GPM6A: variants seen among roughly 807,000 people sequenced by gnomAD.
GPM6A encodes glycoprotein M6A.
In GPM6A, 7 loss-of-function variants were observed where a neutral mutation model predicts 32.1. That is an observed-to-expected ratio of 0.22 (90% CI 0.12 to 0.41). The LOEUF is 0.41. Among genes scored for constraint, GPM6A ranks in the 10% least tolerant of loss-of-function variants. The pLI is 1.00. For synonymous variants in GPM6A, 130 were observed against 123.4 expected (o/e 1.05, Z -0.35); for missense variants, 235 against 347.2 (o/e 0.68, Z 2.57).
upstream of GPM6A, among the ~76,000 whole-genome samples, chr4:175,814,565 C>T (rs913271428): frequency 2.6e-5 from 4 of 152,164 alleles, no homozygotes; most frequent in Non-Finnish European, 4.4e-5. Flanking sequence ...TCTTTTTCTT[C>T]TGGAAATTTT....
intron 1 of GPM6A, among the ~76,000 whole-genome samples, chr4:175,717,057 A>G (rs1410981676): frequency 6.6e-6 from 1 of 152,016 alleles, no homozygotes; most frequent in Non-Finnish European, 1.5e-5. Flanking sequence ...TTAACTTACC[A>G]TTATACTTTC....
intron 1 of GPM6A, among the ~76,000 whole-genome samples, chr4:175,733,769 CTTGA>C: frequency 6.6e-6 from 1 of 152,248 alleles, no homozygotes; most frequent in Admixed American, 6.5e-5. Flanking sequence ...TGTTTTCAAG[CTTGA>C]TTGTGTGCCT....
intron 6 of GPM6A, among the ~76,000 whole-genome samples, chr4:175,636,370 T>C (rs1740612763): frequency 6.7e-6 from 1 of 149,026 alleles, no homozygotes; most frequent in Non-Finnish European, 1.5e-5. Context: ...CTGTAAAATA[T>C]CAAGTGCTGT....
In GPM6A at chr4:175,710,129, C is replaced by G. The variant is rs151054947; in HGVS notation, c.38-8362G>C. Among the ~76,000 whole-genome samples the G allele has an allele frequency of 2.5e-3, 379 of 152,156 alleles. 5 individuals carry two copies. The highest frequency in any genetic ancestry group is 8.8e-3 in the African/African-American group (365 of 41,522). On this transcript the variant is annotated intron_variant, in intron 1 of 6. Transcript: ENST00000393658. ...ATAAGTAAAGCTGAAGGTTTTCCAA[C>G]ATTATTATTCTTTTCAAATAAGCTT...
At chr4:175,830,901 G>GA (rs1404537007) in intron 1 of GPM6A, among the ~76,000 whole-genome samples, 11 of 149,716 alleles carry the variant, frequency 7.3e-5, no homozygotes, top group Admixed American at 5.3e-4. Context: ...CTGGGTTGGG[G>GA]AAAAAAAAAG....
chr4:175,683,900 C>T (rs991666295), intron 2 of GPM6A, among the ~76,000 whole-genome samples: 6 of 151,410 alleles, frequency 4.0e-5, no homozygotes, highest in Non-Finnish European at 8.8e-5. Flanking sequence ...GATGTGATCT[C>T]GGCTCACTGC....
At chr4:175,639,457 G>A (rs551721597) in intron 6 of GPM6A, among the ~76,000 whole-genome samples, 1 of 152,212 alleles carries the variant, frequency 6.6e-6, no homozygotes, top group Admixed American at 6.6e-5. Flanking sequence ...TCATCCTCAA[G>A]GATACAAACA....
intron 1 of GPM6A, among the ~76,000 whole-genome samples, chr4:175,982,649 G>A (rs143981058): frequency 1.3e-3 from 204 of 152,132 alleles, no homozygotes; most frequent in African/African-American, 4.0e-3. Context: ...GATTATGATG[G>A]CTGTAGAATA....
intron 1 of GPM6A, among the ~76,000 whole-genome samples, chr4:175,889,553 C>A (rs781686238): frequency 6.7e-6 from 1 of 149,902 alleles, no homozygotes; most frequent in African/African-American, 2.5e-5. Flanking sequence ...CAGTGGCTCG[C>A]GCCTGTAATC....
At chr4:175,976,680 C>G (rs940418716) in intron 1 of GPM6A, among the ~76,000 whole-genome samples, 4 of 152,102 alleles carry the variant, frequency 2.6e-5, no homozygotes, top group Admixed American at 2.6e-4. Context: ...GATGAACGGT[C>G]CACTAATAGA....
chr4:175,778,627 C>CAAAAAAAAAAAAAAAAAAAA (rs34286041), intron 1 of GPM6A, among the ~76,000 whole-genome samples: 2 of 75,200 alleles, frequency 2.7e-5, no homozygotes, highest in East Asian at 4.6e-4. Flanking sequence ...CTGTATCCAA[C>CAAAAAAAAAAAAAAAAAAAA]AAAAAAAAAA....
chr4:175,673,748 T>G lies in GPM6A; in HGVS notation c.319A>C (p.Thr107Pro). The G allele has an allele frequency of 6.2e-7, 1 of 1,613,266 alleles. No individual in the cohort carries two copies. Among genetic ancestry groups the G allele is most frequent in the Non-Finnish European group, 8.5e-7 (1 of 1,179,338 alleles). ...ILLMVEGFFTTGAIKDLYGDF... is the reference protein window; with the variant it reads ...ILLMVEGFFTPGAIKDLYGDF... ...CCATAGAGATCTTTGATGGCCCCAG[T>G]TGTGAAGAAACCTTCCACCATCAGC... Residue 107 changes from threonine (T) to proline (P), a missense_variant, in exon 3 of 7, where the codon ACT becomes CCT. Thr to Pro is a conservative substitution (Grantham distance 38, BLOSUM62 -1). Transcript: ENST00000393658.
intron 1 of GPM6A, among the ~76,000 whole-genome samples, chr4:175,969,619 G>A (rs947431227): frequency 6.6e-6 from 1 of 152,260 alleles, no homozygotes. Context: ...GCTGAGGCAG[G>A]AGAATCTCTT....
intron 1 of GPM6A, among the ~76,000 whole-genome samples, chr4:175,733,216 A>G (rs373198692): frequency 3.3e-5 from 5 of 152,162 alleles, no homozygotes; most frequent in Non-Finnish European, 5.9e-5. Flanking sequence ...GTTAAAAAAT[A>G]AACTTGGCAG....
chr4:175,735,146 T>C (rs1731606310), intron 1 of GPM6A, among the ~76,000 whole-genome samples: 1 of 152,222 alleles, frequency 6.6e-6, no homozygotes, highest in Non-Finnish European at 1.5e-5. Flanking sequence ...AAATTAGATC[T>C]GTGAAATACA....
At chr4:175,996,441 G>A (rs1381040351) in intron 1 of GPM6A, among the ~76,000 whole-genome samples, 1 of 152,158 alleles carries the variant, frequency 6.6e-6, no homozygotes, top group Non-Finnish European at 1.5e-5. Flanking sequence ...AGTTGATTGT[G>A]ACAAGAGGAT....
intron 1 of GPM6A, among the ~76,000 whole-genome samples, chr4:175,936,786 G>T (rs1739252657): frequency 6.6e-6 from 1 of 152,020 alleles, no homozygotes; most frequent in Non-Finnish European, 1.5e-5. Flanking sequence ...AAACTACGTG[G>T]TAAATTGTAG....
At chr4:175,894,084 T>G (rs1055875128) in intron 1 of GPM6A, among the ~76,000 whole-genome samples, 2 of 152,168 alleles carry the variant, frequency 1.3e-5, no homozygotes, top group Non-Finnish European at 2.9e-5. Flanking sequence ...CTGAGAATAC[T>G]GTTGTCTCAG....
chr4:175,851,546 A>G (rs779083497), intron 1 of GPM6A, among the ~76,000 whole-genome samples: 3 of 152,064 alleles, frequency 2.0e-5, no homozygotes, highest in African/African-American at 7.2e-5. Flanking sequence ...TTAATGTTCA[A>G]TGAGAGGGAA....
Sources: gnomAD v4.1 joint callset for allele counts (sites outside exome capture counted in the v4.1 genomes callset) on GRCh38, gnomAD v4.1.1 for gene constraint, MANE v1.5 for transcripts, NCBI Gene and HGNC (gene_info 2026-07-23, HGNC 2026-07-21) for gene names.